Variants in KCNMB3 observed in about 807,000 individuals in gnomAD.
KCNMB3 encodes calcium-activated potassium channel subunit beta-3.
Under a neutral mutation model 11.9 loss-of-function variants are expected in KCNMB3, and 18 were observed. That is an observed-to-expected ratio of 1.51 (90% confidence interval 1.04 to 2.23). The LOEUF is 2.23. KCNMB3 is among the 30% of genes most tolerant of loss of function. The probability of loss-of-function intolerance (pLI) is 0.00; values close to 1 mark genes in which losing one functional copy is unlikely to be tolerated. For synonymous variants in KCNMB3, 78 were observed against 119.2 expected, an observed-to-expected ratio of 0.65 and a Z score of 2.25; for missense variants, 247 against 329.4, an observed-to-expected ratio of 0.75 and a Z score of 1.94.
chr3:179,252,353 C>A (rs1725875182), upstream of KCNMB3, among the ~76,000 whole-genome samples: 1 of 152,194 alleles, frequency 6.6e-6, no homozygotes, highest in Non-Finnish European at 1.5e-5. Flanking sequence ...CTCCATCAAG[C>A]TTCCTAAAAG....
chr3:179,240,249 G>A (rs1218786460), downstream of KCNMB3: 3 of 521,966 alleles, frequency 5.7e-6, no homozygotes, highest in Non-Finnish European at 1.0e-5. Flanking sequence ...ATACTTGATT[G>A]AAAATCTGAA....
downstream of KCNMB3, chr3:179,240,420 T>G (rs1482588860): frequency 1.2e-5 from 2 of 164,444 alleles, no homozygotes; most frequent in Non-Finnish European, 2.6e-5. Flanking sequence ...TGTATGTATA[T>G]GCAATAGGTA....
intron 1 of KCNMB3, among the ~76,000 whole-genome samples, chr3:179,245,316 A>G (rs1465432793): frequency 6.6e-6 from 1 of 152,180 alleles, no homozygotes; most frequent in African/African-American, 2.4e-5. Context: ...ACAATTCCAC[A>G]TACCCACTAC....
At chr3:179,264,275 C>T (rs1726309979) in intron 1 of KCNMB3, among the ~76,000 whole-genome samples, 1 of 152,166 alleles carries the variant, frequency 6.6e-6, no homozygotes, top group South Asian at 2.1e-4. Flanking sequence ...ATTTCCTTAA[C>T]CATTTCCTTA....
intron 1 of KCNMB3, among the ~76,000 whole-genome samples, chr3:179,263,272 C>T (rs964706864): frequency 6.6e-6 from 1 of 152,268 alleles, no homozygotes; most frequent in African/African-American, 2.4e-5. Context: ...CCCTCACTGT[C>T]CGTGGCTTGT....
At position 179,244,547 on chromosome 3, in the gene KCNMB3, C is replaced by A. The variant is rs3860525; in HGVS notation, c.395G>T (p.Gly132Val). 1 of 1,613,542 alleles carries A rather than the reference C, an allele frequency of 6.2e-7. No individual in the cohort carries two copies. The highest frequency in any genetic ancestry group is 1.3e-5 in the African/African-American group (1 of 74,712). ...ATTATAATGTAGGAGAGCTTTCTGACCTGGATGGCTGAGGTTCACAAACAC... is the reference window on the plus strand; with the variant it reads ...ATTATAATGTAGGAGAGCTTTCTGAACTGGATGGCTGAGGTTCACAAACAC... ...LQVFVNLSHP[G>V]QKALLHYNEE... is the part of the protein sequence containing the mutation. The change falls in exon 2 of 3, where the codon GGT (glycine) becomes GTT (valine). Residue 132 changes from glycine to valine, a missense_variant. This residue lies in a region of KCNMB3 where 87 missense variants were observed against 171.9 expected (regional missense o/e 0.51). Transcript: ENST00000392685.
downstream of KCNMB3, chr3:179,241,462 A>G (rs1250953532): frequency 1.3e-5 from 2 of 154,386 alleles, no homozygotes; most frequent in East Asian, 1.9e-4. Flanking sequence ...TAATTTAGTA[A>G]TATGTGTCGA....
chr3:179,241,912 T>C (rs1358591724), downstream of KCNMB3: 2 of 154,200 alleles, frequency 1.3e-5, no homozygotes, highest in Non-Finnish European at 2.9e-5. Flanking sequence ...GTATAGCTTC[T>C]TCATATTTCT....
intron 1 of KCNMB3, chr3:179,261,341 G>A (rs933368552): frequency 5.4e-5 from 63 of 1,175,682 alleles, no homozygotes; most frequent in Non-Finnish European, 6.3e-5. Flanking sequence ...CCCCCCCCGC[G>A]GGCCGGGCCA....
rs142417230 is a variant in KCNMB3 at position 179,262,495 on chromosome 3, G to A, written c.62+4154C>T. On this transcript the variant is annotated intron_variant, in intron 1 of 3. Coordinates refer to the KCNMB3 transcript ENST00000349697. The stretch of plus-strand genomic sequence containing the variant: ...TAAAGGCAGCGTGGACCCAAAGAAC[G>A]AGCAGTACCAAGATTTATTGCAAAG... Among the ~76,000 whole-genome samples the A allele has an allele frequency of 7.9e-4, 121 of 152,320 alleles. 5 individuals carry two copies. Among genetic ancestry groups the A allele is most frequent in the Middle Eastern group, 3.4e-3 (1 of 294 alleles).
intron 1 of KCNMB3, chr3:179,260,206 C>T: frequency 1.9e-6 from 3 of 1,613,786 alleles, no homozygotes; most frequent in South Asian, 2.2e-5. Context: ...CCATCTAAGT[C>T]ACTCCAACAG....
chr3:179,255,197 A>T (rs1279338211), upstream of KCNMB3, among the ~76,000 whole-genome samples: 1 of 151,844 alleles, frequency 6.6e-6, no homozygotes, highest in Non-Finnish European at 1.5e-5. Context: ...ACATAATAAA[A>T]AATAAAATAA....
chr3:179,256,412 G>A (rs918456686), upstream of KCNMB3, among the ~76,000 whole-genome samples: 1 of 151,734 alleles, frequency 6.6e-6, no homozygotes, highest in East Asian at 1.9e-4. Flanking sequence ...CTCCAGCCTG[G>A]GCAACAGAGA....
intron 1 of KCNMB3, among the ~76,000 whole-genome samples, chr3:179,265,277 C>T (rs993594602): frequency 1.3e-5 from 2 of 152,226 alleles, no homozygotes; most frequent in Non-Finnish European, 2.9e-5. Flanking sequence ...TCACTCTCCT[C>T]ATGCTCCCTC....
upstream of KCNMB3, chr3:179,251,119 T>C: frequency 6.2e-7 from 1 of 1,614,158 alleles, no homozygotes; most frequent in South Asian, 1.1e-5. Context: ...TAAGCTAAAG[T>C]GATGTGTAAT....
chr3:179,243,083 G>C lies in KCNMB3; in HGVS notation c.649C>G (p.Leu217Val). 6.4e-7 allele frequency: 1 copy of C among 1,563,224 alleles called. No homozygotes were observed. The highest frequency in any genetic ancestry group is 8.7e-7 in the Non-Finnish European group (1 of 1,155,524). The change falls in exon 3 of 3, where the codon CTG becomes GTG. Residue 217 changes from leucine (L) to valine (V), a missense_variant. Physicochemically the swap from Leu to Val is conservative, Grantham distance 32. Around this residue, in one of 2 missense-constraint regions of KCNMB3, gnomAD observed 87 missense variants for 171.9 expected, o/e 0.51. Transcript: ENST00000392685. ...FHCLFWPSLT[L>V]LGGALIVGMV... ...CCAACAATCAGGGCACCACCTAGCA[G>C]AGTCAGTGAAGGCCAAAATAAACAG...
At chr3:179,262,288 G>C (rs1258032416) in intron 1 of KCNMB3, among the ~76,000 whole-genome samples, 1 of 152,190 alleles carries the variant, frequency 6.6e-6, no homozygotes, top group Non-Finnish European at 1.5e-5. Context: ...TTATGAAACT[G>C]TGTCCGGAAT....
At chr3:179,265,775 C>T (rs1291247351) in intron 1 of KCNMB3, among the ~76,000 whole-genome samples, 1 of 152,102 alleles carries the variant, frequency 6.6e-6, no homozygotes, top group Non-Finnish European at 1.5e-5. Flanking sequence ...TTTTAGTATC[C>T]CATTTGTCCA....
upstream of KCNMB3, chr3:179,251,359 G>A (rs1364573864): frequency 1.5e-5 from 21 of 1,438,046 alleles, no homozygotes; most frequent in African/African-American, 7.2e-5. Flanking sequence ...AATTAACAGC[G>A]TCCTGAACAG....
Sources: allele counts gnomAD v4.1 joint callset (sites outside exome capture counted in the v4.1 genomes callset), GRCh38; gene constraint gnomAD v4.1.1; regional missense constraint gnomAD v4.1.1; transcripts MANE v1.5; gene names NCBI Gene and HGNC (gene_info 2026-07-23, HGNC 2026-07-21).